Variants in MAGI3 observed in about 807,000 individuals in gnomAD.
The protein encoded by MAGI3 is membrane associated guanylate kinase, WW and PDZ domain containing 3, also known as membrane-associated guanylate kinase, WW and PDZ domain-containing protein 3.
In MAGI3, 43 loss-of-function variants were observed where a neutral mutation model predicts 121.8. The observed-to-expected ratio is 0.35, with a 90% confidence interval of 0.28 to 0.46. The LOEUF (loss-of-function observed/expected upper bound fraction) is 0.46. MAGI3 is among the 20% of genes least tolerant of loss of function. MAGI3 has a pLI of 1.00. For missense variants in MAGI3, 1,547 were observed against 1,797.3 expected, an observed-to-expected ratio of 0.86 and a Z score of 2.52; for synonymous variants, 553 against 639.3, an observed-to-expected ratio of 0.86 and a Z score of 2.04.
At chr1:113,492,860 G>C (rs922939726) in intron 1 of MAGI3, among the ~76,000 whole-genome samples, 1 of 152,108 alleles carries the variant, frequency 6.6e-6, no homozygotes, top group African/African-American at 2.4e-5. Context: ...TCTCTATGAG[G>C]AGAACTACAA....
intron 2 of MAGI3, among the ~76,000 whole-genome samples, chr1:113,574,128 G>A: frequency 6.6e-6 from 1 of 152,002 alleles, no homozygotes; most frequent in East Asian, 1.9e-4. Flanking sequence ...CACACCAAAA[G>A]GTCTTGACTC....
At chr1:113,656,010 C>G (rs1653450733) in intron 15 of MAGI3, among the ~76,000 whole-genome samples, 1 of 151,938 alleles carries the variant, frequency 6.6e-6, no homozygotes, top group African/African-American at 2.4e-5. Context: ...GAAAGAAAGC[C>G]CAATTAAAAT....
intron 1 of MAGI3, among the ~76,000 whole-genome samples, chr1:113,409,753 A>G (rs190343318): frequency 1.5e-3 from 228 of 152,192 alleles, no homozygotes; most frequent in African/African-American, 5.2e-3. Context: ...ATTGGCACAC[A>G]CTATCACTTG....
chr1:113,623,220 A>T, intron 9 of MAGI3, among the ~76,000 whole-genome samples: 1 of 152,026 alleles, frequency 6.6e-6, no homozygotes, highest in East Asian at 1.9e-4. Context: ...TGATACAGGC[A>T]TGCAATAAGT....
intron 1 of MAGI3, among the ~76,000 whole-genome samples, chr1:113,524,530 G>A (rs1658366181): frequency 6.6e-6 from 1 of 152,094 alleles, no homozygotes; most frequent in Non-Finnish European, 1.5e-5. Context: ...GGAGCTTTAA[G>A]ATTTGACTGC....
Position 113,627,633 on chromosome 1 carries a change from T to C in MAGI3, c.1360+4639T>C, listed in dbSNP as rs966492097. Among the ~76,000 whole-genome samples, 7 of 149,022 alleles carry C rather than the reference T, an allele frequency of 4.7e-5. No homozygotes were observed. The South Asian group carries it at 8.4e-4, about 18-fold the overall frequency. ...ATATAAAATATATAATTGTAATATA[T>C]GATAAAATACCTCTCTCTTTAGCTC... On this transcript the variant is annotated intron_variant, in intron 9 of 20. Coordinates refer to ENST00000307546, the MANE Select transcript of MAGI3 (RefSeq NM_001142782.2).
At chr1:113,642,767 C>T (rs1652620318) in intron 10 of MAGI3, among the ~76,000 whole-genome samples, 1 of 152,152 alleles carries the variant, frequency 6.6e-6, no homozygotes, top group African/African-American at 2.4e-5. Context: ...AAATCTGATT[C>T]ATGGCTTTAA....
At chr1:113,617,689 GA>G (rs1264674403) in intron 7 of MAGI3, among the ~76,000 whole-genome samples, 1 of 152,180 alleles carries the variant, frequency 6.6e-6, no homozygotes, top group Non-Finnish European at 1.5e-5. Context: ...ACTTTAAAGT[GA>G]AAGTGAGCCA....
At chr1:113,461,166 T>G (rs1412040230) in intron 1 of MAGI3, among the ~76,000 whole-genome samples, 1 of 152,188 alleles carries the variant, frequency 6.6e-6, no homozygotes. Context: ...CCTAAAGCAA[T>G]GTACAGATTC....
intron 1 of MAGI3, among the ~76,000 whole-genome samples, chr1:113,519,965 A>G (rs554008353): frequency 1.3e-5 from 2 of 152,352 alleles, no homozygotes; most frequent in African/African-American, 4.8e-5. Context: ...ATAGCATCTC[A>G]GCCCTGTTTT....
At chr1:113,545,611 A>G (rs1453031622) in intron 1 of MAGI3, among the ~76,000 whole-genome samples, 1 of 152,150 alleles carries the variant, frequency 6.6e-6, no homozygotes, top group Non-Finnish European at 1.5e-5. Context: ...GAAAGTATGG[A>G]TTTGTAGTTA....
intron 2 of MAGI3, among the ~76,000 whole-genome samples, chr1:113,572,636 C>T (rs1647369849): frequency 6.6e-6 from 1 of 152,070 alleles, no homozygotes; most frequent in African/African-American, 2.4e-5. Flanking sequence ...ATGTATGTGT[C>T]CAGGAATTTA....
At chr1:113,646,439 C>T (rs777624224) in intron 11 of MAGI3, 47 bp from the exon 12 acceptor site, 1 of 1,473,076 alleles carries the variant, frequency 6.8e-7, no homozygotes, top group Non-Finnish European at 9.2e-7. Flanking sequence ...AATTAATCAA[C>T]CATCTGCTTT....
At chr1:113,669,157 G>A (rs1412824344) in intron 16 of MAGI3, among the ~76,000 whole-genome samples, 2 of 152,202 alleles carry the variant, frequency 1.3e-5, no homozygotes, top group Non-Finnish European at 2.9e-5. Flanking sequence ...TAGTAACCAT[G>A]AATTTACAGC....
chr1:113,489,137 G>A (rs1439226780), intron 1 of MAGI3, among the ~76,000 whole-genome samples: 2 of 152,068 alleles, frequency 1.3e-5, no homozygotes, highest in Non-Finnish European at 2.9e-5. Context: ...ACCTATCAGA[G>A]TGTAGTGACC....
chr1:113,573,806 A>G (rs1057104212), intron 2 of MAGI3, among the ~76,000 whole-genome samples: 2 of 152,134 alleles, frequency 1.3e-5, no homozygotes, highest in African/African-American at 2.4e-5. Context: ...ATAGTCTCCC[A>G]CTATTATTGT....
At chr1:113,437,778 T>TTTC (rs1290331448) in intron 1 of MAGI3, among the ~76,000 whole-genome samples, 1 of 151,240 alleles carries the variant, frequency 6.6e-6, no homozygotes, top group Non-Finnish European at 1.5e-5. Flanking sequence ...TTCTTCCTTC[T>TTTC]TTCTTCTTCT....
intron 1 of MAGI3, among the ~76,000 whole-genome samples, chr1:113,539,130 C>T (rs2101652484): frequency 6.6e-6 from 1 of 152,232 alleles, no homozygotes. Flanking sequence ...TGTGGTGGCT[C>T]ACTCCTGTAA....
intron 7 of MAGI3, chr1:113,618,595 T>G (rs1409753103): frequency 4.7e-6 from 2 of 427,276 alleles, no homozygotes; most frequent in Non-Finnish European, 9.2e-6. Flanking sequence ...AACCTCCGCC[T>G]CCTGGGTTCA....
Sources: gnomAD v4.1 joint callset for allele counts (sites outside exome capture counted in the v4.1 genomes callset) on GRCh38, gnomAD v4.1.1 for gene constraint, MANE v1.5 for transcripts, NCBI Gene and HGNC (gene_info 2026-07-23, HGNC 2026-07-21) for gene names.